Variants in WFDC1 observed in about 807,000 individuals in gnomAD.
The protein encoded by WFDC1 is WAP four-disulfide core domain protein 1.
A neutral mutation model predicts 32.9 loss-of-function variants in WFDC1; 39 were observed. That is an observed-to-expected ratio of 1.19 (90% CI 0.92 to 1.55). WFDC1 has a LOEUF of 1.55. WFDC1 is among the 40% of genes most tolerant of loss of function. The probability of loss-of-function intolerance (pLI) is 0.00; values close to 1 mark genes in which losing one functional copy is unlikely to be tolerated. For missense variants in WFDC1, 386 were observed against 309.5 expected (o/e 1.25, Z -1.85); for synonymous variants, 184 against 137.4 (o/e 1.34, Z -2.37).
intron 1 of WFDC1, among the ~76,000 whole-genome samples, chr16:84,299,605 C>T (rs1193465526): frequency 6.6e-6 from 1 of 152,230 alleles, no homozygotes; most frequent in Admixed American, 6.5e-5. Context: ...GAGTTTGCCA[C>T]GTATTCGCTC....
chr16:84,297,383 C>A (rs369059354), intron 1 of WFDC1, among the ~76,000 whole-genome samples: 3 of 152,018 alleles, frequency 2.0e-5, no homozygotes, highest in African/African-American at 7.2e-5. Context: ...TTTGGGAGGC[C>A]GAGGCGGGTG....
At chr16:84,297,631 A>AAAAC (rs1906680351) in intron 1 of WFDC1, among the ~76,000 whole-genome samples, 9 of 145,628 alleles carry the variant, frequency 6.2e-5, no homozygotes, top group Non-Finnish European at 1.4e-4. Context: ...AAAAAAAAAA[A>AAAAC]AAAAAAAAAA....
intron 1 of WFDC1, among the ~76,000 whole-genome samples, chr16:84,297,280 T>C (rs1906652524): frequency 6.6e-6 from 1 of 152,162 alleles, no homozygotes; most frequent in East Asian, 1.9e-4. Context: ...CAACAGATAT[T>C]GGCCTCCTTC....
At chr16:84,324,921 ATCTAT>A (rs1908501442) in intron 5 of WFDC1, among the ~76,000 whole-genome samples, 2 of 151,656 alleles carry the variant, frequency 1.3e-5, no homozygotes, top group Non-Finnish European at 2.9e-5. Context: ...TCATATATCC[ATCTAT>A]TCTTTCATTC....
At chr16:84,301,363 C>T in intron 1 of WFDC1, among the ~76,000 whole-genome samples, 1 of 152,210 alleles carries the variant, frequency 6.6e-6, no homozygotes, top group South Asian at 2.1e-4. Context: ...AGACATTTCA[C>T]AGATAAGGAA....
At chr16:84,325,955 C>G (rs757760124) in intron 5 of WFDC1, 3 of 151,846 alleles carry the variant, frequency 2.0e-5, no homozygotes, top group Non-Finnish European at 2.9e-5. Flanking sequence ...TCCATCCACC[C>G]ATCCACCCAT....
At position 84,313,151 on chromosome 16, in the gene WFDC1, C is replaced by G; in HGVS notation, c.335C>G (p.Pro112Arg). ...YACLEAVPPP[P>R]VLDWLVQPKP... is the part of the protein sequence containing the mutation. ...TGCCTAGAAGCTGTGCCGCCCCCGC[C>G]AGGTAGGTCCTGGGCCCGAGGGAGG... The change falls in exon 2 of 7, where the codon CCA becomes CGA. Residue 112 changes from proline (P) to arginine (R), a missense_variant and splice_region_variant. Transcript: ENST00000219454. The G allele has an allele frequency of 7.0e-7, 1 of 1,428,418 alleles. No homozygotes were observed. The highest frequency in any genetic ancestry group is 9.1e-7 in the Non-Finnish European group (1 of 1,099,122). The allele number at this position is 1,428,418 out of a possible 1,614,324, so 88.5% of individuals were successfully genotyped here. A position where few individuals can be genotyped will look rare whatever the true frequency, so the allele number is the denominator to read the frequency against.
chr16:84,303,082 TC>T (rs1907043409), intron 1 of WFDC1, among the ~76,000 whole-genome samples: 1 of 150,988 alleles, frequency 6.6e-6, no homozygotes, highest in African/African-American at 2.4e-5. Flanking sequence ...CCAAATTCTG[TC>T]CCCAGAGCCC....
Position 84,294,970 on chromosome 16 carries a change from A to G in WFDC1, c.-2A>G. The stretch of plus-strand genomic sequence containing the variant: ...TCTGGAAGGTCGCTGCCCAGGGAGG[A>G]AATGCCTTTAACCGGCGTGGGGCCG... On this transcript the variant is annotated 5_prime_UTR_variant, in exon 1 of 7. Coordinates refer to ENST00000219454, the MANE Select transcript of WFDC1 (RefSeq NM_021197.4). 1.2e-6 allele frequency: 2 copies of G among 1,611,556 alleles called. No homozygotes were observed. The highest frequency in any genetic ancestry group is 1.1e-5 in the South Asian group (1 of 90,656).
At chr16:84,300,025 G>T (rs1906842226) in intron 1 of WFDC1, among the ~76,000 whole-genome samples, 1 of 152,214 alleles carries the variant, frequency 6.6e-6, no homozygotes, top group South Asian at 2.1e-4. Context: ...CATTATTTCT[G>T]TGAGCTCTTG....
At chr16:84,309,503 G>T (rs1405164073) in intron 1 of WFDC1, among the ~76,000 whole-genome samples, 2 of 152,090 alleles carry the variant, frequency 1.3e-5, no homozygotes, top group African/African-American at 4.8e-5. Flanking sequence ...CTTGGGCCTG[G>T]GGTGGGGTTC....
chr16:84,315,788 T>C (rs1000580360), intron 2 of WFDC1, among the ~76,000 whole-genome samples: 6 of 152,186 alleles, frequency 3.9e-5, no homozygotes, highest in African/African-American at 1.4e-4. Context: ...CTGGTCTAAC[T>C]CAGGCCCTGT....
rs537260557 is a variant in WFDC1 at position 84,296,492 on chromosome 16, C to A, written c.144+1377C>A. On this transcript the variant is annotated intron_variant, in intron 1 of 6. Transcript: ENST00000219454. ...GGTTTTTAGGGTTGGGGACAGTGGA[C>A]CTGTGGCTTTAAAGGATAAATAGGA... Among the ~76,000 whole-genome samples, 10 of 152,092 alleles carry A rather than the reference C, an allele frequency of 6.6e-5. No homozygotes were observed. In the South Asian group the frequency reaches 1.7e-3, roughly 25 times the overall value.
intron 1 of WFDC1, among the ~76,000 whole-genome samples, chr16:84,302,666 T>G (rs532457381): frequency 4.5e-4 from 69 of 152,308 alleles, no homozygotes; most frequent in African/African-American, 1.5e-3. Context: ...ATTGGCATGA[T>G]TTGTTTAGGT....
chr16:84,313,299 A>G, intron 2 of WFDC1, 146 bp downstream of exon 2: 1 of 663,624 alleles, frequency 1.5e-6, no homozygotes, highest in Non-Finnish European at 2.1e-6. Context: ...GTGAACTGGG[A>G]CGGGCGCTCC....
chr16:84,307,409 A>T (rs12447081), intron 1 of WFDC1, among the ~76,000 whole-genome samples: 34,473 of 152,118 alleles, frequency 0.23, 4,641 homozygotes, highest in East Asian at 0.34. Context: ...ATCACTCACG[A>T]CCATCTGTTG....
chr16:84,311,626 T>C (rs947236605), intron 1 of WFDC1, among the ~76,000 whole-genome samples: 3 of 139,788 alleles, frequency 2.1e-5, no homozygotes, highest in Non-Finnish European at 3.1e-5. Context: ...CCTCCTGGGA[T>C]CAAACCATCC....
At chr16:84,319,821 C>T (rs1908200749) in intron 4 of WFDC1, among the ~76,000 whole-genome samples, 1 of 152,218 alleles carries the variant, frequency 6.6e-6, no homozygotes, top group South Asian at 2.1e-4. Context: ...CTGCACCTCC[C>T]AGCTGGGCGA....
At chr16:84,314,747 T>G (rs1393162073) in intron 2 of WFDC1, among the ~76,000 whole-genome samples, 1 of 152,198 alleles carries the variant, frequency 6.6e-6, no homozygotes, top group Non-Finnish European at 1.5e-5. Context: ...ACCTAAATGT[T>G]GCCCCTCATG....
Sources: gnomAD v4.1 joint callset for allele counts (sites outside exome capture counted in the v4.1 genomes callset) on GRCh38, gnomAD v4.1.1 for gene constraint, MANE v1.5 for transcripts, NCBI Gene and HGNC (gene_info 2026-07-23, HGNC 2026-07-21) for gene names.